Variants in SOS2 observed in about 807,000 individuals in gnomAD.
SOS2 encodes the protein son of sevenless homolog 2.
SOS2 carries 65 observed loss-of-function variants against 148.2 expected under a neutral mutation model. That is an observed-to-expected ratio of 0.44 (90% CI 0.36 to 0.54). The LOEUF (loss-of-function observed/expected upper bound fraction) is 0.54. SOS2 is among the 20% of genes least tolerant of loss of function. The pLI is 0.00. For missense variants in SOS2, 1,341 were observed against 1,590.2 expected, an observed-to-expected ratio of 0.84 and a Z score of 2.67; for synonymous variants, 539 against 537.1, an observed-to-expected ratio of 1.00 and a Z score of -0.05.
At position 50,156,963 on chromosome 14, in the gene SOS2, GTATA is replaced by G. The variant is rs374223259; in HGVS notation, c.2057+32_2057+35del. ...TGTGTGTGTGTGTGTATATATATGTGTATATATATATATATAAAAAATATTCAAG... is the reference window on the plus strand; with the variant it reads ...TGTGTGTGTGTGTGTATATATATGTGTATATATATATAAAAAATATTCAAG... On this transcript the variant is annotated intron_variant, in intron 12 of 22. Coordinates refer to ENST00000216373, the MANE Select transcript of SOS2 (RefSeq NM_006939.4). 3,345 of 1,010,930 alleles carry G rather than the reference GTATA, an allele frequency of 3.3e-3. 7 individuals are homozygous for G. The highest frequency in any genetic ancestry group is 7.5e-3 in the African/African-American group (461 of 61,514). The allele number at this position is 1,010,930 out of a possible 1,614,324, so 62.6% of individuals were successfully genotyped here.
intron 16 of SOS2, among the ~76,000 whole-genome samples, chr14:50,144,701 G>T (rs1214532871): frequency 2.0e-5 from 3 of 152,074 alleles, no homozygotes; most frequent in Non-Finnish European, 2.9e-5. Context: ...GCCTCCTAAA[G>T]TGCTGGGATT....
At chr14:50,144,582 C>T (rs7152439) in intron 16 of SOS2, among the ~76,000 whole-genome samples, 45,135 of 151,826 alleles carry the variant, frequency 0.3, 7,797 homozygotes, top group Non-Finnish European at 0.4. Context: ...GGATAACAGG[C>T]GTGCGCCACC....
chr14:50,211,107 G>A (rs1886856624), intron 1 of SOS2, among the ~76,000 whole-genome samples: 2 of 151,982 alleles, frequency 1.3e-5, no homozygotes, highest in Non-Finnish European at 2.9e-5. Context: ...ATAGACGCTA[G>A]CCTCATGTGG....
Position 50,122,391 on chromosome 14 carries a change from C to CTTTTTTTTTTTTTTTTTTTTTT in SOS2, c.3380-2029_3380-2008dup, listed in dbSNP as rs71118839. Among the ~76,000 whole-genome samples, 9 of 88,308 alleles carry CTTTTTTTTTTTTTTTTTTTTTT rather than the reference C, an allele frequency of 1.0e-4. 1 individual carries two copies. Among genetic ancestry groups the CTTTTTTTTTTTTTTTTTTTTTT allele is most frequent in the African/African-American group, 4.3e-4 (9 of 20,916 alleles). The allele number at this position is 88,308 out of a possible 152,430, so 57.9% of individuals were successfully genotyped here. ...ATGAAGAGTGAAAAAGAACCCTGGG[C>CTTTTTTTTTTTTTTTTTTTTTT]TTTTTTTTTTTTTTTTTTTTTTGAG... On this transcript the variant is annotated intron_variant, in intron 21 of 22. Coordinates refer to ENST00000216373, the MANE Select transcript of SOS2 (RefSeq NM_006939.4).
At chr14:50,163,920 C>T (rs563688087) in intron 8 of SOS2, among the ~76,000 whole-genome samples, 16 of 152,132 alleles carry the variant, frequency 1.1e-4, no homozygotes, top group Admixed American at 3.3e-4. Context: ...TTTAAATAAC[C>T]ATGTAATAAT....
chr14:50,204,904 CTT>C (rs386381336), intron 1 of SOS2, among the ~76,000 whole-genome samples: 1 of 144,234 alleles, frequency 6.9e-6, no homozygotes, highest in Non-Finnish European at 1.5e-5. Flanking sequence ...TTTTTTCTTT[CTT>C]TTTTTTTTTA....
chr14:50,152,984 A>T, intron 13 of SOS2, 86 bp downstream of exon 13: 1 of 662,034 alleles, frequency 1.5e-6, no homozygotes, highest in Non-Finnish European at 2.6e-6. Flanking sequence ...AAAGAGAGAG[A>T]AATGTTTTAG....
intron 8 of SOS2, among the ~76,000 whole-genome samples, chr14:50,174,141 T>C (rs1028070789): frequency 6.6e-6 from 1 of 151,936 alleles, no homozygotes; most frequent in Non-Finnish European, 1.5e-5. Context: ...CCAGGACTAG[T>C]GGTTGGCTAG....
chr14:50,136,940 A>G (rs1884101087), intron 18 of SOS2, among the ~76,000 whole-genome samples: 1 of 152,140 alleles, frequency 6.6e-6, no homozygotes, highest in South Asian at 2.1e-4. Flanking sequence ...TTAGGACTTT[A>G]GGGTACTTTG....
At chr14:50,163,378 G>T (rs935993736) in intron 8 of SOS2, among the ~76,000 whole-genome samples, 1 of 152,002 alleles carries the variant, frequency 6.6e-6, no homozygotes, top group East Asian at 1.9e-4. Flanking sequence ...CCTCAGCAAA[G>T]AACTAACTGG....
chr14:50,184,895 G>A (rs531915910), intron 5 of SOS2, among the ~76,000 whole-genome samples: 35 of 150,860 alleles, frequency 2.3e-4, no homozygotes, highest in Non-Finnish European at 4.3e-4. Flanking sequence ...AAAAAGGGCA[G>A]GGGTGAGAGG....
In SOS2 at chr14:50,168,803, T is replaced by C. The variant is rs575124087; in HGVS notation, c.1068+5651A>G. On this transcript the variant is annotated intron_variant, in intron 8 of 22. Transcript: ENST00000216373. The stretch of plus-strand genomic sequence containing the variant: ...TGTGACTCAAAGGTTATTACATCCC[T>C]TTAGTAGTAGAAAACACAATCCTGG... Among the ~76,000 whole-genome samples, 69 of 152,302 alleles carry C rather than the reference T, an allele frequency of 4.5e-4. No individual in the cohort carries two copies. The Middle Eastern group carries it at 0.014, about 30-fold the overall frequency.
intron 1 of SOS2, chr14:50,215,457 T>G: frequency 7.9e-7 from 1 of 1,259,076 alleles, no homozygotes; most frequent in Non-Finnish European, 1.0e-6. Flanking sequence ...AACATAAAAT[T>G]ACCACGACAG....
intron 8 of SOS2, among the ~76,000 whole-genome samples, chr14:50,161,868 A>G (rs1255438633): frequency 6.8e-6 from 1 of 147,834 alleles, no homozygotes; most frequent in Non-Finnish European, 1.5e-5. Context: ...CTCCACTCTC[A>G]GCCTCTCAAG....
In SOS2 at chr14:50,231,290, G is replaced by A; in HGVS notation, c.-7C>T. The stretch of plus-strand genomic sequence containing the variant: ...GCTGCGGCGCCTGCTGCATGGCCCC[G>A]GCGACAGCGCCTCCGCATCGGGGGC... On this transcript the variant is annotated 5_prime_UTR_variant, in exon 1 of 23. Coordinates refer to ENST00000216373, the MANE Select transcript of SOS2 (RefSeq NM_006939.4). 3 of 1,417,856 alleles carry A rather than the reference G, an allele frequency of 2.1e-6. No individual in the cohort carries two copies. The highest frequency in any genetic ancestry group is 2.1e-5 in the Admixed American group (1 of 48,540). 87.8% of individuals were successfully genotyped at this position (1,417,856 alleles called of 1,614,324 possible).
intron 12 of SOS2, 112 bp from the exon 13 acceptor site, chr14:50,153,285 A>G: frequency 1.7e-6 from 1 of 604,566 alleles, no homozygotes; most frequent in East Asian, 2.7e-5. Flanking sequence ...CATAATACTC[A>G]AAGACTCTCT....
At chr14:50,133,264 T>TTTTTTTA (rs1594960750) in intron 19 of SOS2, among the ~76,000 whole-genome samples, 1 of 146,750 alleles carries the variant, frequency 6.8e-6, no homozygotes, top group Non-Finnish European at 1.5e-5. Context: ...TTTTTTTTTT[T>TTTTTTTA]GAGACGGGGT....
chr14:50,180,097 C>T (rs1010097481), intron 7 of SOS2, among the ~76,000 whole-genome samples: 1 of 151,546 alleles, frequency 6.6e-6, no homozygotes, highest in Non-Finnish European at 1.5e-5. Context: ...CTCCGCCTTC[C>T]GGGTCAAGTG....
chr14:50,205,833 T>C (rs897368770), intron 1 of SOS2, among the ~76,000 whole-genome samples: 2 of 151,748 alleles, frequency 1.3e-5, no homozygotes, highest in Non-Finnish European at 2.9e-5. Flanking sequence ...GGCAGGAGGA[T>C]TGCTTGAACC....
Sources: allele counts gnomAD v4.1 joint callset (sites outside exome capture counted in the v4.1 genomes callset), GRCh38; gene constraint gnomAD v4.1.1; transcripts MANE v1.5; gene names NCBI Gene and HGNC (gene_info 2026-07-23, HGNC 2026-07-21).